Variants in NOL8 observed in about 807,000 individuals in gnomAD.
NOL8 encodes the protein nucleolar protein 8, also known as nucleolar protein Nop132.
A neutral mutation model predicts 116.1 loss-of-function variants in NOL8; 93 were observed. The observed-to-expected ratio is 0.80, with a 90% confidence interval of 0.68 to 0.95. The LOEUF is 0.95. NOL8 is among the 40% of genes least tolerant of loss of function. NOL8 has a pLI of 0.00. For synonymous variants in NOL8, 419 were observed against 469.0 expected, an observed-to-expected ratio of 0.89 and a Z score of 1.38; for missense variants, 1,291 against 1,382.8, an observed-to-expected ratio of 0.93 and a Z score of 1.05.
In NOL8 at chr9:92,305,785, G is replaced by GT. The variant is rs748567363; in HGVS notation, c.2870dup (p.Tyr957Ter). The GT allele has an allele frequency of 4.3e-6, 7 of 1,612,182 alleles. No individual in the cohort carries two copies. Among genetic ancestry groups the GT allele is most frequent in the East Asian group, 4.5e-5 (2 of 44,822 alleles). Residue 957 changes from tyrosine to a stop codon, truncating the protein, a stop_gained and frameshift_variant, in exon 12 of 17, where the codon TAC becomes TAAC. Coordinates refer to ENST00000442668, the MANE Select transcript of NOL8 (RefSeq NM_017948.6). LOFTEE classifies it high-confidence loss of function. The part of the protein sequence containing the change: ...YDPTKQDHAT[Y>*]ERKRDDKPKE... Reference sequence around the variant, plus strand: ...TTGGCTTATCATCTCTTTTTCTTTCGTAAGTGGCATGGTCTTGCTTCGTTG... The same window carrying GT: ...TTGGCTTATCATCTCTTTTTCTTTCGTTAAGTGGCATGGTCTTGCTTCGTTG...
At chr9:92,324,361 C>A in intron 1 of NOL8, 152 bp from the exon 2 acceptor site, 1 of 584,592 alleles carries the variant, frequency 1.7e-6, no homozygotes, top group Non-Finnish European at 2.9e-6. Context: ...AGGTTTTGCC[C>A]AAGCCCTACA....
chr9:92,316,722 G>A (rs1344985893), intron 6 of NOL8, among the ~76,000 whole-genome samples: 1 of 152,098 alleles, frequency 6.6e-6, no homozygotes, highest in Non-Finnish European at 1.5e-5. Flanking sequence ...TTGGGAGGCC[G>A]AGGTGGGCCG....
At chr9:92,317,444 T>A (rs1839513175) in intron 6 of NOL8, among the ~76,000 whole-genome samples, 1 of 152,190 alleles carries the variant, frequency 6.6e-6, no homozygotes, top group Admixed American at 6.5e-5. Flanking sequence ...TTTCCTGACT[T>A]TGAGCCACTT....
intron 1 of NOL8, 143 bp from the exon 2 acceptor site, chr9:92,324,352 G>A (rs1269512430): frequency 1.1e-5 from 7 of 661,164 alleles, no homozygotes; most frequent in African/African-American, 1.8e-5. Context: ...TAGTCTTCGA[G>A]GTTTTGCCCA....
Position 92,306,915 on chromosome 9 carries a change from GTT to G in NOL8, c.2794_2795del (p.Asn932GlnfsTer7). 6.2e-7 allele frequency: 1 copy of G among 1,613,024 alleles called. No homozygotes were observed. The highest frequency in any genetic ancestry group is 1.3e-5 in the African/African-American group (1 of 75,028). Reference protein sequence around the residue: ...VLQINLSNSTNRGSVAAKKFK... With the variant: ...VLQINLSNSTXRGSVAAKKFK... ...ATTTCTTAGCAGCTACTGATCCTCT[GTT>G]TGTAGAATTGCTTAAGTTGATTTGC... On this transcript the variant is annotated frameshift_variant, in exon 11 of 17. Coordinates refer to ENST00000442668, the MANE Select transcript of NOL8 (RefSeq NM_017948.6). LOFTEE classifies it high-confidence loss of function.
At chr9:92,320,680 CA>C (rs1839850168) in intron 4 of NOL8, among the ~76,000 whole-genome samples, 1 of 151,708 alleles carries the variant, frequency 6.6e-6, no homozygotes, top group Non-Finnish European at 1.5e-5. Flanking sequence ...AATGTAGGCT[CA>C]CTGCAACCTC....
At chr9:92,301,868 T>C in intron 12 of NOL8, 46 bp from the exon 13 acceptor site, 1 of 1,489,478 alleles carries the variant, frequency 6.7e-7, no homozygotes, top group Admixed American at 2.9e-5. Context: ...AAACAAGTTT[T>C]GGGAAATTTC....
At position 92,315,779 on chromosome 9, in the gene NOL8, A is replaced by C. The variant is rs1357399118; in HGVS notation, c.846T>G (p.Pro282=). ...CAGTTTCCAAGCCAGAAGTCTTAAA[A>C]GGTAGATTTTTAAGTTTCTGAGTAT... ...VSDTQKLKNL[P]FKTSGLETAK... is the part of the protein sequence containing the mutation. Residue 282 remains proline (P), a synonymous_variant, in exon 7 of 17, where the codon CCT becomes CCG. Coordinates refer to ENST00000442668, the MANE Select transcript of NOL8 (RefSeq NM_017948.6). The C allele has an allele frequency of 6.2e-7, 1 of 1,613,616 alleles. No individual in the cohort carries two copies. Among genetic ancestry groups the C allele is most frequent in the African/African-American group, 1.3e-5 (1 of 74,890 alleles).
chr9:92,303,092 G>T (rs1202213776), intron 12 of NOL8, among the ~76,000 whole-genome samples: 1 of 152,162 alleles, frequency 6.6e-6, no homozygotes, highest in Non-Finnish European at 1.5e-5. Flanking sequence ...ACTGATTACA[G>T]TGAAATAAGA....
Position 92,315,075 on chromosome 9 carries a change from C to G in NOL8, c.1550G>C (p.Cys517Ser). The change falls in exon 7 of 17, where the codon TGC becomes TCC. Residue 517 changes from cysteine (C) to serine (S), a missense_variant. Cys to Ser is a moderately radical substitution (Grantham distance 112). Coordinates refer to ENST00000442668, the MANE Select transcript of NOL8 (RefSeq NM_017948.6). The stretch of plus-strand genomic sequence containing the variant: ...GCTCTTGGAGCCTCTGTCAAACTTG[C>G]ATTGGGTGGTGGTTTCTGGTCCATC... The part of the protein sequence containing the change: ...KSDGPETTTQ[C>S]KFDRGSKSPK... 6.2e-7 allele frequency: 1 copy of G among 1,614,028 alleles called. No homozygotes were observed. The highest frequency in any genetic ancestry group is 8.5e-7 in the Non-Finnish European group (1 of 1,179,904).
At chr9:92,323,566 TA>T (rs1840110379) in intron 2 of NOL8, 63 bp from the exon 3 acceptor site, 5 of 1,336,724 alleles carry the variant, frequency 3.7e-6, no homozygotes, top group Admixed American at 2.6e-5. Flanking sequence ...GAGAGCAATG[TA>T]AAAACGGTTG....
At chr9:92,322,385 C>A (rs1840001300) in intron 3 of NOL8, among the ~76,000 whole-genome samples, 1 of 152,128 alleles carries the variant, frequency 6.6e-6, no homozygotes, top group African/African-American at 2.4e-5. Context: ...CTTTTTGAGA[C>A]AGAGTGTCCT....
chr9:92,318,659 C>T lies in NOL8; in HGVS notation c.445G>A (p.Val149Ile), dbSNP rs1040079883. 2.5e-6 allele frequency: 4 copies of T among 1,600,862 alleles called. No homozygotes were observed. The African/African-American group carries it at 5.4e-5, about 22-fold the overall frequency. ...KNWVVSKFGR[V>I]LPVLHLKNQH... ...TTTTTAAGGTGAAGAACAGGTAAGA[C>T]TCTTCCAAATTTGCTCACAACCCAA... The change falls in exon 6 of 17, where the codon GTC becomes ATC. Residue 149 changes from valine to isoleucine, a missense_variant. Physicochemically the swap from Val to Ile is conservative, Grantham distance 29 (BLOSUM62 3). Transcript: ENST00000442668.
chr9:92,298,030 G>T (rs140841171), intron 16 of NOL8, 144 bp from the exon 17 acceptor site: 51 of 734,688 alleles, frequency 6.9e-5, no homozygotes, highest in Middle Eastern at 2.5e-4. Context: ...AGGGGATATT[G>T]GCATTTTTGG....
chr9:92,303,772 T>G (rs1217096355), intron 12 of NOL8, among the ~76,000 whole-genome samples: 1 of 152,122 alleles, frequency 6.6e-6, no homozygotes, highest in Non-Finnish European at 1.5e-5. Context: ...GCCACTGCAG[T>G]CCAGCCAGGT....
At chr9:92,311,633 A>G (rs1838804900) in intron 7 of NOL8, among the ~76,000 whole-genome samples, 2 of 152,232 alleles carry the variant, frequency 1.3e-5, no homozygotes, top group Admixed American at 6.5e-5. Context: ...AGGAATGCAA[A>G]TCAAAACCAC....
chr9:92,300,478 C>T (rs1837640109), intron 13 of NOL8: 1 of 988,418 alleles, frequency 1.0e-6, no homozygotes, highest in South Asian at 4.6e-5. Flanking sequence ...GGAAAAACTA[C>T]TGCTATAAGA....
intron 5 of NOL8, chr9:92,318,925 C>T (rs750933191): frequency 5.9e-6 from 3 of 509,050 alleles, no homozygotes; most frequent in Non-Finnish European, 1.0e-5. Flanking sequence ...ACAAAAAACA[C>T]TGGCTGCTAA....
chr9:92,302,140 A>G (rs1460246305), intron 12 of NOL8, among the ~76,000 whole-genome samples: 3 of 152,202 alleles, frequency 2.0e-5, no homozygotes, highest in African/African-American at 7.2e-5. Context: ...TAAGGAAATC[A>G]CTTAGCTTCA....
Sources: allele counts gnomAD v4.1 joint callset (sites outside exome capture counted in the v4.1 genomes callset), GRCh38; gene constraint gnomAD v4.1.1; transcripts MANE v1.5; gene names NCBI Gene and HGNC (gene_info 2026-07-23, HGNC 2026-07-21).